CUX2: variants seen among roughly 807,000 people sequenced by gnomAD.
CUX2 encodes the protein cut like homeobox 2, also known as homeobox protein cut-like 2.
Under a neutral mutation model 144.8 loss-of-function variants are expected in CUX2, and 40 were observed. The ratio of observed to expected loss-of-function variants is 0.28; its 90% CI spans 0.21 to 0.36. CUX2 has a LOEUF of 0.36. Among genes scored for constraint, CUX2 ranks in the 10% least tolerant of loss-of-function variants. The pLI, the probability that CUX2 is intolerant of heterozygous loss-of-function variation, is 1.00. For missense variants in CUX2, 1,615 were observed against 1,994.0 expected, an observed-to-expected ratio of 0.81 and a Z score of 3.62; for synonymous variants, 827 against 875.6, an observed-to-expected ratio of 0.94 and a Z score of 0.98.
chr12:111,238,576 T>G (rs1157661520), intron 3 of CUX2, among the ~76,000 whole-genome samples: 1 of 152,238 alleles, frequency 6.6e-6, no homozygotes, highest in African/African-American at 2.4e-5. Context: ...GAGACAAGAT[T>G]TGAACCCAGG....
intron 1 of CUX2, among the ~76,000 whole-genome samples, chr12:111,054,752 G>A (rs1440267276): frequency 1.3e-5 from 2 of 152,058 alleles, no homozygotes; most frequent in Non-Finnish European, 2.9e-5. Context: ...TCAGCCTCCT[G>A]AGTAGCTAGG....
At chr12:111,056,977 G>T (rs1870557810) in intron 1 of CUX2, among the ~76,000 whole-genome samples, 1 of 151,726 alleles carries the variant, frequency 6.6e-6, no homozygotes, top group Non-Finnish European at 1.5e-5. Context: ...GAGGATGTGT[G>T]GGGGACAGAG....
At chr12:111,258,708 T>C (rs557799154) in intron 3 of CUX2, among the ~76,000 whole-genome samples, 4 of 152,092 alleles carry the variant, frequency 2.6e-5, no homozygotes, top group African/African-American at 9.6e-5. Flanking sequence ...ATTGTAAAGA[T>C]AGAGTCTCAT....
chr12:111,189,126 G>T (rs1448606826), intron 1 of CUX2, among the ~76,000 whole-genome samples: 1 of 152,102 alleles, frequency 6.6e-6, no homozygotes, highest in African/African-American at 2.4e-5. Context: ...CAAAAAATTA[G>T]CCAAGTGTGG....
chr12:111,187,977 C>G (rs1879651082), intron 1 of CUX2, among the ~76,000 whole-genome samples: 1 of 152,248 alleles, frequency 6.6e-6, no homozygotes, highest in Admixed American at 6.5e-5. Context: ...TGTTTTTAAA[C>G]TTGGCCTATC....
intron 1 of CUX2, among the ~76,000 whole-genome samples, chr12:111,212,121 C>T (rs1315758283): frequency 6.6e-6 from 1 of 152,094 alleles, no homozygotes; most frequent in Non-Finnish European, 1.5e-5. Context: ...CGCCAGTCTA[C>T]CTTTGTCTAT....
At chr12:111,281,444 G>A (rs1019959340) in intron 4 of CUX2, among the ~76,000 whole-genome samples, 4 of 152,224 alleles carry the variant, frequency 2.6e-5, no homozygotes, top group South Asian at 4.1e-4. Context: ...CCCAGGGTCG[G>A]TGTTGATGGA....
chr12:111,242,006 G>T (rs1212828414), intron 3 of CUX2, among the ~76,000 whole-genome samples: 1 of 152,234 alleles, frequency 6.6e-6, no homozygotes, highest in Non-Finnish European at 1.5e-5. Context: ...TGCTTGACAG[G>T]GGCAGACATA....
At position 111,293,670 on chromosome 12, in the gene CUX2, C is replaced by G. The variant is rs1299577496; in HGVS notation, c.560+101C>G. 6.9e-7 allele frequency: 1 copy of G among 1,447,628 alleles called. No homozygotes were observed. Among genetic ancestry groups the G allele is most frequent in the Non-Finnish European group, 9.2e-7 (1 of 1,084,740 alleles). 89.7% of individuals were successfully genotyped at this position (1,447,628 alleles called of 1,614,324 possible). On this transcript the variant is annotated intron_variant, in intron 6 of 21. Transcript: ENST00000261726. This position sits in a 1 kb window ranked among gnomAD's most constrained non-coding sequence, Gnocchi z 4.5. ...ACGGGGAAAGTCTCCTACCAGAATC[C>G]AGATGCAGGCTGGAGACCGAGATGA...
intron 1 of CUX2, among the ~76,000 whole-genome samples, chr12:111,144,978 G>C (rs984277875): frequency 6.6e-6 from 1 of 152,192 alleles, no homozygotes; most frequent in Non-Finnish European, 1.5e-5. Context: ...AGAGGCTTCT[G>C]CTGGGAACTT....
intron 1 of CUX2, among the ~76,000 whole-genome samples, chr12:111,141,575 A>G (rs1293988436): frequency 3.9e-5 from 6 of 152,184 alleles, no homozygotes; most frequent in Non-Finnish European, 7.3e-5. Context: ...GGAGGGGAAA[A>G]TGGAGACTCA....
At chr12:111,213,795 T>C (rs932751579) in intron 1 of CUX2, among the ~76,000 whole-genome samples, 1 of 152,086 alleles carries the variant, frequency 6.6e-6, no homozygotes, top group Non-Finnish European at 1.5e-5. Context: ...AATATGCCCA[T>C]ACAATATGCC....
intron 4 of CUX2, among the ~76,000 whole-genome samples, chr12:111,282,207 A>G (rs1231858548): frequency 1.3e-5 from 2 of 151,918 alleles, no homozygotes; most frequent in East Asian, 1.9e-4. Flanking sequence ...CTGTAGCCCC[A>G]GCTACTTGGG....
chr12:111,264,527 G>A (rs1299551187), intron 4 of CUX2, among the ~76,000 whole-genome samples: 1 of 152,166 alleles, frequency 6.6e-6, no homozygotes, highest in East Asian at 1.9e-4. Flanking sequence ...CTGAGGTCAG[G>A]AGTTCGAGAC....
At chr12:111,240,267 G>A (rs1882958848) in intron 3 of CUX2, among the ~76,000 whole-genome samples, 1 of 152,234 alleles carries the variant, frequency 6.6e-6, no homozygotes, top group East Asian at 1.9e-4. Flanking sequence ...CTCCCAGAGG[G>A]TGGGACAAGC....
chr12:111,053,177 G>A (rs188110500), intron 1 of CUX2, among the ~76,000 whole-genome samples: 36 of 152,350 alleles, frequency 2.4e-4, no homozygotes, highest in Middle Eastern at 3.4e-3. Context: ...GGAAATGAGC[G>A]CCTGTACATG....
intron 3 of CUX2, among the ~76,000 whole-genome samples, chr12:111,235,869 GT>G (rs985164270): frequency 6.6e-5 from 10 of 152,166 alleles, no homozygotes; most frequent in African/African-American, 2.4e-4. Context: ...TGGGGCTCAG[GT>G]TTTGGGGGCC....
At chr12:111,083,200 G>C (rs1261113131) in intron 1 of CUX2, among the ~76,000 whole-genome samples, 1 of 152,124 alleles carries the variant, frequency 6.6e-6, no homozygotes, top group Non-Finnish European at 1.5e-5. Context: ...CCTTAGGAGA[G>C]AGATGAGCAG....
intron 18 of CUX2, among the ~76,000 whole-genome samples, chr12:111,324,352 A>G (rs1179967534): frequency 5.3e-5 from 6 of 112,700 alleles, no homozygotes; most frequent in Non-Finnish European, 1.0e-4. Context: ...CTCTGTCTCA[A>G]AAAAAAAAAA....
Sources: allele counts gnomAD v4.1 joint callset (sites outside exome capture counted in the v4.1 genomes callset), GRCh38; gene constraint gnomAD v4.1.1; non-coding constraint Gnocchi (gnomAD v3.1); transcripts MANE v1.5; gene names NCBI Gene and HGNC (gene_info 2026-07-23, HGNC 2026-07-21).